KCNH7: variants seen among roughly 807,000 people sequenced by gnomAD.
KCNH7 encodes potassium voltage-gated channel subfamily H member 7.
In KCNH7, 49 loss-of-function variants were observed where a neutral mutation model predicts 120.8. The ratio of observed to expected loss-of-function variants is 0.41; its 90% CI spans 0.32 to 0.51. The LOEUF (loss-of-function observed/expected upper bound fraction) is 0.51, where lower values mean the gene tolerates loss of function less well. Among genes scored for constraint, KCNH7 ranks in the 20% least tolerant of loss-of-function variants. The pLI is 0.38. For synonymous variants in KCNH7, 547 were observed against 516.1 expected (o/e 1.06, Z -0.81); for missense variants, 1,097 against 1,446.6 (o/e 0.76, Z 3.92).
intron 2 of KCNH7, among the ~76,000 whole-genome samples, chr2:162,832,819 T>C (rs114691208): frequency 0.016 from 2,371 of 152,266 alleles, 53 homozygotes; most frequent in African/African-American, 0.049. Flanking sequence ...GTAAATTCAA[T>C]GCTATCAAAC....
chr2:162,500,843 A>G (rs866000464), intron 6 of KCNH7, among the ~76,000 whole-genome samples: 17 of 152,114 alleles, frequency 1.1e-4, no homozygotes, highest in African/African-American at 4.1e-4. Flanking sequence ...AAATAAAAAG[A>G]CAAGTAAAGT....
chr2:162,530,621 T>C (rs1424124144), intron 3 of KCNH7, among the ~76,000 whole-genome samples: 2 of 152,020 alleles, frequency 1.3e-5, no homozygotes, highest in Non-Finnish European at 2.9e-5. Context: ...TTTCAAGTGA[T>C]ACAAAAGCTG....
intron 7 of KCNH7, among the ~76,000 whole-genome samples, chr2:162,442,553 T>C (rs1004162372): frequency 4.6e-5 from 7 of 152,080 alleles, no homozygotes; most frequent in Non-Finnish European, 7.4e-5. Flanking sequence ...TCTATGATGC[T>C]TTGATGGATA....
At chr2:162,742,374 G>A (rs1359246946) in intron 2 of KCNH7, among the ~76,000 whole-genome samples, 1 of 151,952 alleles carries the variant, frequency 6.6e-6, no homozygotes, top group East Asian at 1.9e-4. Flanking sequence ...TTCTTCATTG[G>A]CTATAAAATA....
chr2:162,707,100 T>G (rs1686735168), intron 2 of KCNH7, among the ~76,000 whole-genome samples: 1 of 152,146 alleles, frequency 6.6e-6, no homozygotes, highest in South Asian at 2.1e-4. Flanking sequence ...ACATCATTTA[T>G]TCTCTGTGGA....
intron 2 of KCNH7, among the ~76,000 whole-genome samples, chr2:162,833,284 ATAT>A (rs967829474): frequency 8.3e-5 from 11 of 133,238 alleles, no homozygotes; most frequent in African/African-American, 3.3e-4. Context: ...GCTAACTAAA[ATAT>A]TTTTTTTTTC....
rs372420734 is a variant in KCNH7 at position 162,517,811 on chromosome 2, G to C, written c.811C>G (p.Arg271Gly). The stretch of plus-strand genomic sequence containing the variant: ...ATATCATGGACCGAAGATGCTCTCC[G>C]TATACTACATAAGCTTTCCCTTGAT... ...SRSRESLCSIRRASSVHDIEG... is the reference protein window; with the variant it reads ...SRSRESLCSIGRASSVHDIEG... Residue 271 changes from arginine to glycine, a missense_variant, in exon 4 of 16, where the codon CGG becomes GGG. By Grantham distance (125) the Arg-to-Gly change is moderately radical (BLOSUM62 -2). Around this residue, in one of 8 missense-constraint regions of KCNH7, gnomAD observed 362 missense variants for 372.2 expected, o/e 0.97. Coordinates refer to ENST00000332142, the MANE Select transcript of KCNH7 (RefSeq NM_033272.4). 1 of 1,611,822 alleles carries C rather than the reference G, an allele frequency of 6.2e-7. No individual in the cohort carries two copies. Among genetic ancestry groups the C allele is most frequent in the Non-Finnish European group, 8.5e-7 (1 of 1,178,508 alleles).
chr2:162,773,857 G>C (rs1338271472), intron 2 of KCNH7, among the ~76,000 whole-genome samples: 4 of 152,130 alleles, frequency 2.6e-5, no homozygotes, highest in African/African-American at 9.7e-5. Flanking sequence ...AAAATGATAT[G>C]ATAAACGGGA....
intron 2 of KCNH7, among the ~76,000 whole-genome samples, chr2:162,788,739 T>C (rs1683804903): frequency 6.6e-6 from 1 of 151,826 alleles, no homozygotes; most frequent in Non-Finnish European, 1.5e-5. Context: ...AAACTCTAAA[T>C]ATGGAGAAGG....
chr2:162,687,064 T>C (rs762908779), intron 2 of KCNH7, among the ~76,000 whole-genome samples: 3 of 152,120 alleles, frequency 2.0e-5, no homozygotes, highest in Non-Finnish European at 4.4e-5. Flanking sequence ...TGTCCCTCTA[T>C]CTTTCCTCAG....
chr2:162,836,875 C>A, intron 1 of KCNH7, 108 bp from the exon 2 acceptor site: 2 of 695,798 alleles, frequency 2.9e-6, no homozygotes, highest in Non-Finnish European at 4.9e-6. Flanking sequence ...AGGTGCCTCC[C>A]CAAATTACTA....
At chr2:162,587,119 G>A (rs1173308887) in intron 2 of KCNH7, among the ~76,000 whole-genome samples, 1 of 151,976 alleles carries the variant, frequency 6.6e-6, no homozygotes, top group African/African-American at 2.4e-5. Flanking sequence ...GTTTTTGCCT[G>A]TAATTTATGA....
intron 5 of KCNH7, 67 bp from the exon 6 acceptor site, chr2:162,504,724 T>C: frequency 1.0e-6 from 1 of 985,502 alleles, no homozygotes; most frequent in Non-Finnish European, 1.6e-6. Flanking sequence ...CAGTTCTGAA[T>C]GCCCTGCTAA....
At chr2:162,659,095 G>T (rs542560674) in intron 2 of KCNH7, among the ~76,000 whole-genome samples, 5 of 152,178 alleles carry the variant, frequency 3.3e-5, no homozygotes, top group African/African-American at 1.2e-4. Context: ...TATAATGGCA[G>T]CTTTAGATAA....
intron 6 of KCNH7, among the ~76,000 whole-genome samples, chr2:162,478,490 G>A (rs1254021254): frequency 6.6e-6 from 1 of 152,138 alleles, no homozygotes; most frequent in Admixed American, 6.6e-5. Flanking sequence ...TATTTACTCT[G>A]TGATTCTTCT....
chr2:162,465,006 C>A (rs1038004096), intron 6 of KCNH7, among the ~76,000 whole-genome samples: 1 of 152,038 alleles, frequency 6.6e-6, no homozygotes, highest in African/African-American at 2.4e-5. Context: ...CTACCATGAT[C>A]ATTTCATAAA....
intron 2 of KCNH7, among the ~76,000 whole-genome samples, chr2:162,762,083 C>T (rs903567083): frequency 3.9e-5 from 6 of 151,900 alleles, no homozygotes; most frequent in African/African-American, 1.4e-4. Flanking sequence ...TACAAAGGCT[C>T]CCTTTCTTTC....
At chr2:162,742,894 A>G (rs942746413) in intron 2 of KCNH7, among the ~76,000 whole-genome samples, 2 of 152,242 alleles carry the variant, frequency 1.3e-5, no homozygotes, top group Non-Finnish European at 2.9e-5. Context: ...AAATCAAGAT[A>G]AAAAGTACAG....
intron 2 of KCNH7, among the ~76,000 whole-genome samples, chr2:162,643,348 A>C (rs1684231936): frequency 6.6e-6 from 1 of 152,002 alleles, no homozygotes; most frequent in African/African-American, 2.4e-5. Flanking sequence ...AAAAACAAAC[A>C]AAAAAACCCA....
Sources: gnomAD v4.1 joint callset for allele counts (sites outside exome capture counted in the v4.1 genomes callset) on GRCh38, gnomAD v4.1.1 for gene constraint, gnomAD v4.1.1 regional missense constraint, MANE v1.5 for transcripts, NCBI Gene and HGNC (gene_info 2026-07-23, HGNC 2026-07-21) for gene names.